The following MACROD2 variants were observed in gnomAD, a reference collection of about 807,000 sequenced individuals.
The protein encoded by MACROD2 is mono-ADP ribosylhydrolase 2, also known as ADP-ribose glycohydrolase MACROD2.
Under a neutral mutation model 70.4 loss-of-function variants are expected in MACROD2, and 36 were observed. The observed-to-expected ratio is 0.51, with a 90% confidence interval of 0.39 to 0.68. MACROD2 has a LOEUF of 0.68. Among genes scored for constraint, MACROD2 ranks in the 30% least tolerant of loss-of-function variants. MACROD2 has a pLI of 0.00. For synonymous variants in MACROD2, 172 were observed against 178.8 expected (o/e 0.96, Z 0.30); for missense variants, 496 against 538.4 (o/e 0.92, Z 0.78).
intron 8 of MACROD2, among the ~76,000 whole-genome samples, chr20:15,589,091 G>A (rs2048643113): frequency 6.6e-6 from 1 of 152,224 alleles, no homozygotes; most frequent in African/African-American, 2.4e-5. Flanking sequence ...CAGAATCATG[G>A]CAGGAGGCAA....
chr20:15,382,553 T>C (rs1470728046), intron 6 of MACROD2, among the ~76,000 whole-genome samples: 2 of 152,212 alleles, frequency 1.3e-5, no homozygotes, highest in Admixed American at 6.5e-5. Flanking sequence ...GATTGCTCAT[T>C]GGTTCTTCCT....
chr20:15,974,285 A>AGATGAAACATAGT (rs1425384919), intron 13 of MACROD2, among the ~76,000 whole-genome samples: 1 of 152,172 alleles, frequency 6.6e-6, no homozygotes, highest in Non-Finnish European at 1.5e-5. Flanking sequence ...TGAAACATAG[A>AGATGAAACATAGT]AATGAAACTA....
At chr20:15,687,363 T>A (rs756811456) in intron 8 of MACROD2, among the ~76,000 whole-genome samples, 1 of 152,064 alleles carries the variant, frequency 6.6e-6, no homozygotes, top group Non-Finnish European at 1.5e-5. Flanking sequence ...TGATAGCAGC[T>A]GCTGCTGCTT....
At chr20:14,505,564 A>C (rs1264170834) in intron 4 of MACROD2, among the ~76,000 whole-genome samples, 2 of 152,210 alleles carry the variant, frequency 1.3e-5, no homozygotes, top group African/African-American at 2.4e-5. Flanking sequence ...TATTATCTTA[A>C]ATATACTCTG....
At chr20:15,467,308 G>A (rs187908620) in intron 7 of MACROD2, among the ~76,000 whole-genome samples, 128 of 152,336 alleles carry the variant, frequency 8.4e-4, no homozygotes, top group Middle Eastern at 3.4e-3. Context: ...AGCCCTAGCT[G>A]TCCACAGTGG....
At chr20:14,539,885 A>ATGGT (rs1292876962) in intron 4 of MACROD2, among the ~76,000 whole-genome samples, 4 of 152,174 alleles carry the variant, frequency 2.6e-5, no homozygotes, top group Non-Finnish European at 5.9e-5. Flanking sequence ...GATTGGGAGG[A>ATGGT]AAGCATTAGA....
intron 8 of MACROD2, among the ~76,000 whole-genome samples, chr20:15,521,584 G>T (rs926838100): frequency 6.6e-6 from 1 of 152,158 alleles, no homozygotes; most frequent in South Asian, 2.1e-4. Flanking sequence ...CTTTGGATCT[G>T]GGAGACAGAG....
chr20:15,866,155 G>A (rs1210404090), intron 9 of MACROD2, among the ~76,000 whole-genome samples: 1 of 152,182 alleles, frequency 6.6e-6, no homozygotes, highest in East Asian at 1.9e-4. Flanking sequence ...CATGCCTGTA[G>A]AAGGAGGATT....
intron 4 of MACROD2, among the ~76,000 whole-genome samples, chr20:14,578,549 G>T (rs546707172): frequency 6.6e-6 from 1 of 152,004 alleles, no homozygotes; most frequent in Non-Finnish European, 1.5e-5. Context: ...ATAACTCAGG[G>T]CCCTTCATTC....
intron 6 of MACROD2, among the ~76,000 whole-genome samples, chr20:15,396,106 C>T (rs1033570952): frequency 6.6e-6 from 1 of 152,218 alleles, no homozygotes; most frequent in Non-Finnish European, 1.5e-5. Context: ...ACATCTACCT[C>T]TACTTGTAAA....
At chr20:14,659,590 T>C (rs1284920947) in intron 4 of MACROD2, among the ~76,000 whole-genome samples, 1 of 152,154 alleles carries the variant, frequency 6.6e-6, no homozygotes, top group Non-Finnish European at 1.5e-5. Context: ...CTCCCCAGTT[T>C]TTTTTCTCTC....
intron 4 of MACROD2, among the ~76,000 whole-genome samples, chr20:14,681,881 T>G (rs2070936737): frequency 6.6e-6 from 1 of 152,166 alleles, no homozygotes; most frequent in Non-Finnish European, 1.5e-5. Context: ...TCTGGGGTTT[T>G]GAATCACGTC....
At chr20:15,774,000 T>G (rs917146217) in intron 8 of MACROD2, among the ~76,000 whole-genome samples, 2 of 152,182 alleles carry the variant, frequency 1.3e-5, no homozygotes, top group Non-Finnish European at 2.9e-5. Flanking sequence ...CATTTGCACA[T>G]AGTAAAATCT....
intron 5 of MACROD2, among the ~76,000 whole-genome samples, chr20:14,873,042 T>C (rs1397975931): frequency 7.1e-6 from 1 of 140,940 alleles, no homozygotes; most frequent in Non-Finnish European, 1.6e-5. Context: ...GGTCTCCCCC[T>C]TGACACATGA....
chr20:14,404,145 GAT>G (rs1455124168), intron 3 of MACROD2, among the ~76,000 whole-genome samples: 32 of 152,182 alleles, frequency 2.1e-4, no homozygotes, highest in African/African-American at 7.5e-4. Flanking sequence ...AGAAGAGAAA[GAT>G]AGAGACACAA....
intron 15 of MACROD2, among the ~76,000 whole-genome samples, chr20:15,996,667 GTTGA>G (rs1568695567): frequency 1.3e-5 from 2 of 151,870 alleles, no homozygotes; most frequent in African/African-American, 4.8e-5. Context: ...TTTTCACCTT[GTTGA>G]TTATTTCCTT....
chr20:15,893,690 G>A (rs757541656), intron 10 of MACROD2: 5 of 456,546 alleles, frequency 1.1e-5, no homozygotes, highest in Admixed American at 7.0e-5. Flanking sequence ...ACCCAGAAGC[G>A]ATAGAGCAGT....
chr20:14,821,737 A>C (rs2122209920), intron 5 of MACROD2, among the ~76,000 whole-genome samples: 1 of 152,254 alleles, frequency 6.6e-6, no homozygotes, highest in Non-Finnish European at 1.5e-5. Flanking sequence ...CCAGTTGATC[A>C]TATAGAAGTT....
intron 5 of MACROD2, among the ~76,000 whole-genome samples, chr20:15,169,268 C>A (rs905637015): frequency 6.6e-6 from 1 of 152,092 alleles, no homozygotes; most frequent in Admixed American, 6.6e-5. Context: ...CTTTTCCCAA[C>A]TTTTTTAAGA....
Sources: gnomAD v4.1 joint callset for allele counts (sites outside exome capture counted in the v4.1 genomes callset) on GRCh38, gnomAD v4.1.1 for gene constraint, MANE v1.5 for transcripts, NCBI Gene and HGNC (gene_info 2026-07-23, HGNC 2026-07-21) for gene names.